The following SLC30A6 variants were observed in gnomAD, a reference collection of about 807,000 sequenced individuals.
The protein encoded by SLC30A6 is solute carrier family 30 member 6.
Under a neutral mutation model 63.0 loss-of-function variants are expected in SLC30A6, and 55 were observed. The observed-to-expected ratio is 0.87, with a 90% CI of 0.70 to 1.09. The LOEUF (loss-of-function observed/expected upper bound fraction) is 1.09, where lower values mean the gene tolerates loss of function less well. Ranked by LOEUF, SLC30A6 falls within the 50% of genes least tolerant of loss-of-function variation. The probability of loss-of-function intolerance (pLI) is 0.00; values close to 1 mark genes in which losing one functional copy is unlikely to be tolerated. For synonymous variants in SLC30A6, 224 were observed against 186.1 expected (o/e 1.20, Z -1.66); for missense variants, 587 against 549.2 (o/e 1.07, Z -0.69).
intron 5 of SLC30A6, among the ~76,000 whole-genome samples, chr2:32,185,169 T>C (rs1682697475): frequency 6.6e-6 from 1 of 152,176 alleles, no homozygotes; most frequent in Non-Finnish European, 1.5e-5. Flanking sequence ...GAAGCCAGCC[T>C]GGGCAACATA....
intron 9 of SLC30A6, 63 bp from the exon 10 acceptor site, chr2:32,197,644 A>T: frequency 6.2e-7 from 1 of 1,603,458 alleles, no homozygotes; most frequent in East Asian, 2.2e-5. Flanking sequence ...ATCTTTTACA[A>T]GGTTGTCACC....
intron 4 of SLC30A6, among the ~76,000 whole-genome samples, chr2:32,181,635 G>A (rs1682323644): frequency 6.6e-6 from 1 of 152,168 alleles, no homozygotes; most frequent in South Asian, 2.1e-4. Context: ...GGGAGTCCGA[G>A]GCTGGCAGAT....
At chr2:32,198,100 AAG>A (rs1683957469) in intron 10 of SLC30A6, among the ~76,000 whole-genome samples, 1 of 152,348 alleles carries the variant, frequency 6.6e-6, no homozygotes, top group South Asian at 2.1e-4. Flanking sequence ...AACAGTAAGA[AAG>A]AGATCTGAGC....
intron 1 of SLC30A6, among the ~76,000 whole-genome samples, chr2:32,169,320 C>T (rs945032325): frequency 3.3e-5 from 5 of 152,170 alleles, no homozygotes; most frequent in Admixed American, 2.0e-4. Context: ...AGGCATGTAC[C>T]ACTATGCCTG....
intron 13 of SLC30A6, among the ~76,000 whole-genome samples, chr2:32,212,921 T>A (rs1685377512): frequency 3.8e-5 from 4 of 105,964 alleles, no homozygotes; most frequent in Admixed American, 3.3e-4. Context: ...TTTTTTTTTT[T>A]AAGGAGACAG....
chr2:32,195,251 A>G (rs1480430752), intron 8 of SLC30A6, among the ~76,000 whole-genome samples: 1 of 152,068 alleles, frequency 6.6e-6, no homozygotes, highest in African/African-American at 2.4e-5. Flanking sequence ...TATTTTTAGC[A>G]GAGACGGGGT....
intron 13 of SLC30A6, 105 bp downstream of exon 13, chr2:32,209,666 C>T: frequency 2.3e-6 from 2 of 888,388 alleles, no homozygotes; most frequent in Non-Finnish European, 3.4e-6. Flanking sequence ...GCCTTTGATT[C>T]CTAGTTATGT....
chr2:32,171,263 G>T, intron 1 of SLC30A6, 24 bp from the exon 2 acceptor site: 1 of 1,592,124 alleles, frequency 6.3e-7, no homozygotes, highest in South Asian at 1.1e-5. Context: ...TCTAAATGCT[G>T]ATTTGTATAT....
At chr2:32,193,090 C>G (rs556463118) in intron 7 of SLC30A6, 137 bp downstream of exon 7, 1 of 519,310 alleles carries the variant, frequency 1.9e-6, no homozygotes, top group South Asian at 3.4e-5. Flanking sequence ...AACAAAATTC[C>G]CTAATACTAA....
At chr2:32,196,113 G>A (rs1014688023) in intron 8 of SLC30A6, among the ~76,000 whole-genome samples, 1 of 152,120 alleles carries the variant, frequency 6.6e-6, no homozygotes, top group African/African-American at 2.4e-5. Flanking sequence ...AGCAGTTTGA[G>A]ACCGGCCTGG....
At chr2:32,179,957 A>G (rs997107151) in intron 4 of SLC30A6, among the ~76,000 whole-genome samples, 1 of 152,204 alleles carries the variant, frequency 6.6e-6, no homozygotes, top group African/African-American at 2.4e-5. Context: ...ATAAATAAAA[A>G]GCAGTTTAAA....
intron 7 of SLC30A6, 101 bp from the exon 8 acceptor site, chr2:32,193,788 C>G: frequency 1.2e-6 from 1 of 866,524 alleles, no homozygotes; most frequent in South Asian, 1.6e-5. Flanking sequence ...TTAAAGCAGA[C>G]CACTTTACCT....
chr2:32,175,185 A>AAT (rs1266188028), intron 3 of SLC30A6, 134 bp from the exon 4 acceptor site: 1 of 699,348 alleles, frequency 1.4e-6, no homozygotes, highest in Non-Finnish European at 2.4e-6. Context: ...GATAACTGCC[A>AAT]ATATATGAGG....
At chr2:32,203,487 C>G (rs974076192) in intron 10 of SLC30A6, 3 of 1,604,586 alleles carry the variant, frequency 1.9e-6, no homozygotes, top group Non-Finnish European at 2.6e-6. Flanking sequence ...GATGCATTGG[C>G]TGCAGCTTTA....
At chr2:32,197,241 C>A in intron 8 of SLC30A6, 103 bp from the exon 9 acceptor site, 1 of 968,834 alleles carries the variant, frequency 1.0e-6, no homozygotes, top group Non-Finnish European at 1.5e-6. Context: ...TAATGTTATT[C>A]AGTCACTGCC....
Position 32,204,770 on chromosome 2 carries a change from C to G in SLC30A6, c.768+78C>G, listed in dbSNP as rs1446123441. 8.2e-6 allele frequency: 5 copies of G among 612,614 alleles called. No individual in the cohort carries two copies. The South Asian group carries it at 1.2e-4, about 14-fold the overall frequency. 37.9% of individuals were successfully genotyped at this position (612,614 alleles called of 1,614,324 possible). On this transcript the variant is annotated intron_variant, in intron 11 of 13. Coordinates refer to ENST00000282587, the MANE Select transcript of SLC30A6 (RefSeq NM_017964.5). ...AGATTAAAAAGTTGTATGTGTTGTT[C>G]TACAAGATTGTGAAATTTTTATTTT... is the stretch of plus-strand genomic sequence containing the variant.
rs1023781078 is a variant in SLC30A6 at position 32,174,006 on chromosome 2, C to G, written c.91-57C>G. 8 of 1,345,094 alleles carry G rather than the reference C, an allele frequency of 5.9e-6. No homozygotes were observed. In the African/African-American group the frequency reaches 1.2e-4, roughly 20 times the overall value. The allele number at this position is 1,345,094 out of a possible 1,614,324, so 83.3% of individuals were successfully genotyped here. A position where few individuals can be genotyped will look rare whatever the true frequency, so the allele number is the denominator to read the frequency against. On this transcript the variant is annotated intron_variant, in intron 2 of 13. Transcript: ENST00000282587. Reference sequence around the variant, plus strand: ...AGAGTATAAATTGTAGCAACTTGAACAGACCCCGTGAAATTTATCACTTCT... The same window carrying G: ...AGAGTATAAATTGTAGCAACTTGAAGAGACCCCGTGAAATTTATCACTTCT...
At chr2:32,176,633 G>A (rs891833104) in intron 4 of SLC30A6, among the ~76,000 whole-genome samples, 6 of 151,150 alleles carry the variant, frequency 4.0e-5, no homozygotes, top group Non-Finnish European at 1.5e-5. Context: ...ACTCCAGCCT[G>A]GGCGACAGAG....
intron 5 of SLC30A6, among the ~76,000 whole-genome samples, chr2:32,185,912 G>A (rs963579489): frequency 2.7e-5 from 4 of 146,336 alleles, no homozygotes; most frequent in African/African-American, 7.6e-5. Flanking sequence ...TGTATTTTTA[G>A]TAGAGATGGG....
Sources: allele counts gnomAD v4.1 joint callset (sites outside exome capture counted in the v4.1 genomes callset), GRCh38; gene constraint gnomAD v4.1.1; transcripts MANE v1.5; gene names NCBI Gene and HGNC (gene_info 2026-07-23, HGNC 2026-07-21).